PDE1A: variants seen among roughly 807,000 people sequenced by gnomAD.
PDE1A encodes dual specificity calcium/calmodulin-dependent 3',5'-cyclic nucleotide phosphodiesterase 1A.
In PDE1A, 35 loss-of-function variants were observed where a neutral mutation model predicts 61.7. The observed-to-expected ratio is 0.57, with a 90% CI of 0.43 to 0.75. PDE1A has a LOEUF of 0.75. PDE1A is among the 30% of genes least tolerant of loss of function. The pLI is 0.00. For missense variants in PDE1A, 597 were observed against 630.6 expected (o/e 0.95, Z 0.57); for synonymous variants, 232 against 213.2 (o/e 1.09, Z -0.77).
chr2:182,408,226 C>G (rs1012394150), intron 1 of PDE1A, among the ~76,000 whole-genome samples: 3 of 151,398 alleles, frequency 2.0e-5, no homozygotes, highest in Non-Finnish European at 4.4e-5. Context: ...TCCCTCCCAC[C>G]TTTTATTTTC....
At chr2:182,550,847 T>C in the PDE1A span, among the ~76,000 whole-genome samples, 1 of 152,082 alleles carries the variant, frequency 6.6e-6, no homozygotes, top group Non-Finnish European at 1.5e-5. Flanking sequence ...TGTGTCCATA[T>C]GGCAAATGGA....
the PDE1A span, among the ~76,000 whole-genome samples, chr2:182,596,745 CAA>C: frequency 6.6e-6 from 1 of 151,022 alleles, no homozygotes; most frequent in African/African-American, 2.4e-5. Context: ...TGGGCAAGGA[CAA>C]AGAGAGTAAG....
intron 2 of PDE1A, among the ~76,000 whole-genome samples, chr2:182,442,222 C>A (rs1343972344): frequency 2.0e-5 from 3 of 151,966 alleles, no homozygotes; most frequent in Non-Finnish European, 4.4e-5. Flanking sequence ...ATAAAAATTT[C>A]TAATTCTTTT....
chr2:182,606,563 A>T, the PDE1A span, among the ~76,000 whole-genome samples: 1 of 152,210 alleles, frequency 6.6e-6, no homozygotes, highest in African/African-American at 2.4e-5. Flanking sequence ...GCTACTGAGG[A>T]TACAGCAGTG....
the PDE1A span, among the ~76,000 whole-genome samples, chr2:182,621,483 C>G: frequency 2.8e-4 from 42 of 152,244 alleles, no homozygotes; most frequent in African/African-American, 9.4e-4. Flanking sequence ...CTATCACACT[C>G]TCCTCAGGAG....
At chr2:182,488,297 T>C (rs529900321) in intron 2 of PDE1A, among the ~76,000 whole-genome samples, 1 of 152,308 alleles carries the variant, frequency 6.6e-6, no homozygotes, top group East Asian at 1.9e-4. Context: ...GTTTCTCTTT[T>C]TCCCTATGTC....
At chr2:182,627,223 AT>A in the PDE1A span, among the ~76,000 whole-genome samples, 5 of 25,108 alleles carry the variant, frequency 2.0e-4, no homozygotes, top group African/African-American at 5.4e-4. Context: ...AATATAAATA[AT>A]ATATTATTTA....
At chr2:182,146,950 T>C (rs1355514853), downstream of PDE1A, 1 of 529,800 alleles carries the variant, frequency 1.9e-6, no homozygotes, top group Middle Eastern at 4.6e-4. Flanking sequence ...TAGGAGGGCA[T>C]TTAAATAAGA....
the PDE1A span, among the ~76,000 whole-genome samples, chr2:182,545,730 T>TACTG: frequency 6.6e-6 from 1 of 152,206 alleles, no homozygotes; most frequent in Non-Finnish European, 1.5e-5. Flanking sequence ...CTGTAAAACA[T>TACTG]ACTGACTGAC....
At chr2:182,549,209 G>GA in the PDE1A span, among the ~76,000 whole-genome samples, 3 of 150,864 alleles carry the variant, frequency 2.0e-5, no homozygotes, top group Admixed American at 1.3e-4. Context: ...AAAAAATCTT[G>GA]AAAAAAAATA....
intron 2 of PDE1A, among the ~76,000 whole-genome samples, chr2:182,477,652 C>G (rs1366966101): frequency 6.6e-6 from 1 of 151,798 alleles, no homozygotes; most frequent in Non-Finnish European, 1.5e-5. Flanking sequence ...CACAAATTTT[C>G]ACATATTTAA....
At chr2:182,710,345 TGTGTGTGC>T in the PDE1A span, among the ~76,000 whole-genome samples, 1 of 152,246 alleles carries the variant, frequency 6.6e-6, no homozygotes. Context: ...CTCAGTTATG[TGTGTGTGC>T]ATGTGTGCAT....
At chr2:182,231,066 C>T in exon 5 of PDE1A, 27 of 1,609,670 alleles carry the variant, frequency 1.7e-5, no homozygotes, top group South Asian at 2.2e-5. Context: ...AAATCATAAA[C>T]TTCAGACTAT....
the PDE1A span, among the ~76,000 whole-genome samples, chr2:182,612,711 G>C: frequency 6.6e-6 from 1 of 152,124 alleles, no homozygotes; most frequent in African/African-American, 2.4e-5. Context: ...AAAAGTAGGC[G>C]CATGATATTT....
intron 1 of PDE1A, among the ~76,000 whole-genome samples, chr2:182,339,956 C>A (rs890022333): frequency 6.6e-6 from 1 of 152,146 alleles, no homozygotes; most frequent in African/African-American, 2.4e-5. Context: ...CTACTTTATT[C>A]TAGAGATGTA....
intron 1 of PDE1A, among the ~76,000 whole-genome samples, chr2:182,318,109 T>C (rs1388375794): frequency 6.6e-6 from 1 of 152,124 alleles, no homozygotes; most frequent in Non-Finnish European, 1.5e-5. Context: ...CACCAGATTC[T>C]CAAACATTTA....
At chr2:182,511,531 G>A (rs997161905) in intron 2 of PDE1A, among the ~76,000 whole-genome samples, 1 of 152,166 alleles carries the variant, frequency 6.6e-6, no homozygotes. Flanking sequence ...TTACAGAGTT[G>A]ATAGGGGTGG....
At chr2:182,186,377 C>A (rs1196916336) in intron 12 of PDE1A, 91 bp downstream of exon 12, 2 of 1,424,166 alleles carry the variant, frequency 1.4e-6, no homozygotes, top group African/African-American at 1.4e-5. Context: ...TGTGAGAATT[C>A]TCTGCCTAGA....
chr2:182,482,641 T>C (rs1317014873), intron 2 of PDE1A, among the ~76,000 whole-genome samples: 3 of 151,984 alleles, frequency 2.0e-5, no homozygotes, highest in Non-Finnish European at 2.9e-5. Flanking sequence ...GAATGTCAGT[T>C]AACAGTAGGA....
Sources: gnomAD v4.1 joint callset for allele counts (sites outside exome capture counted in the v4.1 genomes callset) on GRCh38, gnomAD v4.1.1 for gene constraint, MANE v1.5 for transcripts, NCBI Gene and HGNC (gene_info 2026-07-23, HGNC 2026-07-21) for gene names.